Variants in POLD3 observed in about 807,000 individuals in gnomAD.
POLD3 encodes the protein DNA polymerase delta subunit 3.
POLD3 carries 19 observed loss-of-function variants against 58.2 expected under a neutral mutation model. The observed-to-expected ratio is 0.33, with a 90% CI of 0.23 to 0.48. The LOEUF is 0.48. Among genes scored for constraint, POLD3 ranks in the 20% least tolerant of loss-of-function variants. The pLI is 0.99. For synonymous variants in POLD3, 172 were observed against 193.5 expected (o/e 0.89, Z 0.92); for missense variants, 504 against 545.5 (o/e 0.92, Z 0.76).
intron 11 of POLD3, among the ~76,000 whole-genome samples, chr11:74,639,659 G>A (rs191717816): frequency 4.4e-5 from 6 of 137,518 alleles, no homozygotes; most frequent in African/African-American, 1.6e-4. Context: ...ATCCTCCTCG[G>A]TTATGTGACG....
At chr11:74,609,874 T>C (rs1273775435) in intron 3 of POLD3, among the ~76,000 whole-genome samples, 4 of 152,198 alleles carry the variant, frequency 2.6e-5, no homozygotes, top group Admixed American at 2.0e-4. Flanking sequence ...TTGATAGATA[T>C]ACCTTAGCTT....
rs999048653 is a variant in POLD3, at chr11:74,636,263, G to T, written c.1186G>T (p.Glu396Ter). The T allele has an allele frequency of 6.2e-7, 1 of 1,613,052 alleles. No individual in the cohort carries two copies. The highest frequency in any genetic ancestry group is 8.5e-7 in the Non-Finnish European group (1 of 1,179,070). Residue 396 changes from glutamate to a stop codon, truncating the protein, a stop_gained, in exon 11 of 12, where the codon GAA becomes TAA. Coordinates refer to ENST00000263681, the MANE Select transcript of POLD3 (RefSeq NM_006591.3). LOFTEE classifies it high-confidence loss of function. ...VLKSKTYLDGEGCIVTEKVYE... is the reference protein window; with the variant it reads ...VLKSKTYLDG ...AAAATCTAAAACTTACCTGGATGGG[G>T]AAGGCTGCATAGGTAAGACAAATAT...
Position 74,613,002 on chromosome 11 carries a change from C to G in POLD3, c.384C>G (p.Asn128Lys), listed in dbSNP as rs1182273222. 4 of 1,608,954 alleles carry G rather than the reference C, an allele frequency of 2.5e-6. No homozygotes were observed. Among genetic ancestry groups the G allele is most frequent in the Non-Finnish European group, 3.4e-6 (4 of 1,178,540 alleles). Residue 128 changes from asparagine (N) to lysine (K), a missense_variant, in exon 5 of 12, where the codon AAC becomes AAG. Physicochemically the swap from Asn to Lys is moderately conservative, Grantham distance 94. Around this residue, in one of 2 missense-constraint regions of POLD3, gnomAD observed 119 missense variants for 175.0 expected, o/e 0.68. Transcript: ENST00000263681. ...ACATCCTTAAAAGCAACTTGCAGAA[C>G]TGCAGCAAGTAAGCGTCTTAATGTT... ...DYDILKSNLQ[N>K]CSKFSAIQCA... is the part of the protein sequence containing the mutation.
Position 74,604,743 on chromosome 11 carries a change from A to C in POLD3, c.168A>C (p.Gln56His), listed in dbSNP as rs180980738. ...ERKRKENSGAQLHVTYLVSGS... is the reference protein window; with the variant it reads ...ERKRKENSGAHLHVTYLVSGS... ...AACGAAAAGAAAATTCAGGAGCCCA[A>C]CTGCATGTTACCTACTTGGTGTCTG... Residue 56 changes from glutamine (Q) to histidine (H), a missense_variant, in exon 3 of 12, where the codon CAA becomes CAC. Physicochemically the swap from Gln to His is conservative, Grantham distance 24. Coordinates refer to ENST00000263681, the MANE Select transcript of POLD3 (RefSeq NM_006591.3). 1 of 1,611,658 alleles carries C rather than the reference A, an allele frequency of 6.2e-7. No individual in the cohort carries two copies. Among genetic ancestry groups the C allele is most frequent in the African/African-American group, 1.3e-5 (1 of 75,004 alleles).
intron 3 of POLD3, among the ~76,000 whole-genome samples, chr11:74,609,261 C>T (rs777681257): frequency 1.4e-5 from 2 of 146,146 alleles, no homozygotes; most frequent in Non-Finnish European, 3.0e-5. Flanking sequence ...TTTTTTTTTC[C>T]ATTTTGCTTT....
At position 74,661,952 on chromosome 11, in the gene POLD3, C is replaced by G. The variant is rs187634036; in HGVS notation, c.370-6825C>G. Among the ~76,000 whole-genome samples the G allele has an allele frequency of 1.4e-3, 207 of 152,340 alleles. 1 individual carries two copies. Among genetic ancestry groups the G allele is most frequent in the Admixed American group, 4.7e-3 (72 of 15,310 alleles). On this transcript the variant is annotated intron_variant, in intron 4 of 4. Coordinates refer to the POLD3 transcript ENST00000524752. ...CCTTTCCACAGGCCGAGGAGCCTCT[C>G]CCAATGGCCACCACCACCACAGGCC...
Position 74,625,420 on chromosome 11 carries a change from T to C in POLD3, c.746T>C (p.Val249Ala). The C allele has an allele frequency of 1.2e-6, 2 of 1,605,136 alleles. No individual in the cohort carries two copies. Among genetic ancestry groups the C allele is most frequent in the South Asian group, 2.2e-5 (2 of 89,374 alleles). Residue 249 changes from valine (V) to alanine (A), a missense_variant, in exon 8 of 12, where the codon GTC becomes GCC. Physicochemically the swap from Val to Ala is moderately conservative, Grantham distance 64 (BLOSUM62 0). Coordinates refer to ENST00000263681, the MANE Select transcript of POLD3 (RefSeq NM_006591.3). ...FGKAAMNKFKVNLDSEQAVKE... is the reference protein window; with the variant it reads ...FGKAAMNKFKANLDSEQAVKE... Reference sequence around the variant, plus strand: ...ACTTTATTTATAGATAAATTTAAAGTCAATTTGGACTCAGAACAAGCAGTG... The same window carrying C: ...ACTTTATTTATAGATAAATTTAAAGCCAATTTGGACTCAGAACAAGCAGTG...
At chr11:74,616,468 C>G (rs140946018) in intron 5 of POLD3, among the ~76,000 whole-genome samples, 204 of 152,330 alleles carry the variant, frequency 1.3e-3, no homozygotes, top group Non-Finnish European at 1.0e-3. Flanking sequence ...ATTCCTGGTC[C>G]TGACCCTATG....
At chr11:74,612,828 A>G (rs1189187870) in intron 4 of POLD3, 50 bp from the exon 5 acceptor site, 12 of 1,548,130 alleles carry the variant, frequency 7.8e-6, no homozygotes, top group Middle Eastern at 3.5e-4. Flanking sequence ...AAGTCCCCAC[A>G]TGCTATGAAG....
intron 11 of POLD3, among the ~76,000 whole-genome samples, chr11:74,636,522 G>A (rs930393332): frequency 2.0e-5 from 3 of 152,134 alleles, no homozygotes; most frequent in East Asian, 1.9e-4. Context: ...AAGTTATGTC[G>A]TCCCTGGTGA....
chr11:74,654,411 T>G (rs9651760), intron 4 of POLD3, among the ~76,000 whole-genome samples: 124,550 of 152,184 alleles, frequency 0.82, 51,141 homozygotes, highest in Middle Eastern at 0.94. Flanking sequence ...ACAATAACAT[T>G]AAATAAAACA....
intron 9 of POLD3, among the ~76,000 whole-genome samples, chr11:74,632,239 GCCAGAGAACTCTTTGACACA>G (rs2032615728): frequency 6.6e-6 from 1 of 152,152 alleles, no homozygotes; most frequent in Admixed American, 6.5e-5. Flanking sequence ...ACCTGTCTCT[GCCAGAGAACTCTTTGACACA>G]CTGGATCTCT....
At chr11:74,613,681 A>G (rs1178868295) in intron 5 of POLD3, among the ~76,000 whole-genome samples, 1 of 152,150 alleles carries the variant, frequency 6.6e-6, no homozygotes, top group African/African-American at 2.4e-5. Flanking sequence ...TTGAGCACCT[A>G]CTACTTTGAC....
chr11:74,623,851 C>G (rs1225955180), intron 7 of POLD3, among the ~76,000 whole-genome samples: 5 of 152,216 alleles, frequency 3.3e-5, no homozygotes, highest in African/African-American at 1.2e-4. Context: ...TTGCATTAAA[C>G]TACCTCTTTA....
intron 1 of POLD3, chr11:74,593,133 C>A: frequency 1.4e-6 from 1 of 694,780 alleles, no homozygotes; most frequent in Non-Finnish European, 1.8e-6. Flanking sequence ...ACTGTTTCCT[C>A]TTCCTGGAAA....
chr11:74,619,554 T>G (rs2032186800), intron 6 of POLD3, among the ~76,000 whole-genome samples: 1 of 152,180 alleles, frequency 6.6e-6, no homozygotes, highest in African/African-American at 2.4e-5. Flanking sequence ...ATTAACTATT[T>G]CCCTTTCGCA....
In POLD3 at chr11:74,636,267, G is replaced by C. The variant is rs1021087542; in HGVS notation, c.1190G>C (p.Gly397Ala). 5.0e-6 allele frequency: 8 copies of C among 1,612,996 alleles called. No individual in the cohort carries two copies. Among genetic ancestry groups the C allele is most frequent in the Non-Finnish European group, 6.8e-6 (8 of 1,179,118 alleles). The part of the protein sequence containing the change: ...LKSKTYLDGE[G>A]CIVTEKVYES... Reference sequence around the variant, plus strand: ...TCTAAAACTTACCTGGATGGGGAAGGCTGCATAGGTAAGACAAATATTTGG... The same window carrying C: ...TCTAAAACTTACCTGGATGGGGAAGCCTGCATAGGTAAGACAAATATTTGG... The change falls in exon 11 of 12, where the codon GGC becomes GCC. Residue 397 changes from glycine (G) to alanine (A), a missense_variant. By Grantham distance (60) the Gly-to-Ala change is moderately conservative. This residue lies in a region of POLD3 where 385 missense variants were observed against 370.5 expected (regional missense o/e 1.04). Transcript: ENST00000263681.
At chr11:74,662,533 G>A (rs148016624) in intron 4 of POLD3, among the ~76,000 whole-genome samples, 5 of 152,072 alleles carry the variant, frequency 3.3e-5, no homozygotes, top group Non-Finnish European at 7.4e-5. Flanking sequence ...CTATCCTGTC[G>A]TGCCTGAGCT....
Position 74,625,536 on chromosome 11 carries a change from G to A in POLD3, c.862G>A (p.Ala288Thr), listed in dbSNP as rs754110854. 6.2e-6 allele frequency: 10 copies of A among 1,613,034 alleles called. No homozygotes were observed. In the Admixed American group the frequency reaches 1.3e-4, roughly 22 times the overall value. The change falls in exon 8 of 12, where the codon GCA becomes ACA. Residue 288 changes from alanine (A) to threonine (T), a missense_variant. By Grantham distance (58) the Ala-to-Thr change is moderately conservative. Transcript: ENST00000263681. ...PAGLKKSSKK[A>T]EPVKVLQKEK... ...AGGCCTGAAAAAATCCAGCAAAAAA[G>A]CAGAGCCTGTTAAGGTGCTGCAGAA...
Sources: gnomAD v4.1 joint callset for allele counts (sites outside exome capture counted in the v4.1 genomes callset) on GRCh38, gnomAD v4.1.1 for gene constraint, gnomAD v4.1.1 regional missense constraint, MANE v1.5 for transcripts, NCBI Gene and HGNC (gene_info 2026-07-23, HGNC 2026-07-21) for gene names.